The following UBE2R2 variants were observed in gnomAD, a reference collection of about 807,000 sequenced individuals.
UBE2R2 encodes ubiquitin-conjugating enzyme E2 R2.
Under a neutral mutation model 27.8 loss-of-function variants are expected in UBE2R2, and 1 was observed. The ratio of observed to expected loss-of-function variants is 0.04; its 90% CI spans 0.01 to 0.17. UBE2R2 has a LOEUF of 0.17. Among genes scored for constraint, UBE2R2 ranks in the 10% least tolerant of loss-of-function variants. The pLI, the probability that UBE2R2 is intolerant of heterozygous loss-of-function variation, is 1.00. For missense variants in UBE2R2, 100 were observed against 291.0 expected (o/e 0.34, Z 4.78); for synonymous variants, 106 against 113.3 (o/e 0.94, Z 0.41).
In UBE2R2 at chr9:33,920,254, G is replaced by C. The variant is rs1274029553; in HGVS notation, c.*3017G>C. ...TTTAATAGTTTTAGCTGAAATTGTAGATGTTTTGCTTCAGTTTAACTTATG... is the reference window on the plus strand; with the variant it reads ...TTTAATAGTTTTAGCTGAAATTGTACATGTTTTGCTTCAGTTTAACTTATG... On this transcript the variant is annotated 3_prime_UTR_variant, in exon 5 of 5. Transcript: ENST00000263228. 3 of 152,546 alleles carry C rather than the reference G, an allele frequency of 2.0e-5. No homozygotes were observed. Among genetic ancestry groups the C allele is most frequent in the Non-Finnish European group, 2.9e-5 (2 of 68,036 alleles). 9.4% of individuals were successfully genotyped at this position (152,546 alleles called of 1,614,324 possible).
chr9:33,844,799 C>T (rs1820806065), intron 1 of UBE2R2, among the ~76,000 whole-genome samples: 1 of 151,644 alleles, frequency 6.6e-6, no homozygotes, highest in Admixed American at 6.6e-5. Context: ...GACAGTCTTG[C>T]TCTGTGGCCC....
intron 1 of UBE2R2, among the ~76,000 whole-genome samples, chr9:33,861,298 T>C (rs910942494): frequency 6.7e-6 from 1 of 148,974 alleles, no homozygotes; most frequent in Non-Finnish European, 1.5e-5. Flanking sequence ...CCGGGGTTGG[T>C]GGCTCATGCC....
chr9:33,907,827 TTTG>T (rs998915170), intron 3 of UBE2R2, among the ~76,000 whole-genome samples: 15 of 142,106 alleles, frequency 1.1e-4, no homozygotes, highest in Admixed American at 1.4e-4. Flanking sequence ...TTTGTTTTGT[TTTG>T]TTGTTGTTTT....
chr9:33,883,736 T>G (rs866845642), intron 1 of UBE2R2, among the ~76,000 whole-genome samples: 28 of 136,630 alleles, frequency 2.0e-4, no homozygotes, highest in African/African-American at 5.5e-4. Context: ...AAAAAAGAAA[T>G]AAAAAAGAAT....
intron 3 of UBE2R2, among the ~76,000 whole-genome samples, chr9:33,902,413 A>C (rs1225775768): frequency 6.6e-6 from 1 of 152,196 alleles, no homozygotes; most frequent in Non-Finnish European, 1.5e-5. Flanking sequence ...AATTTAAGTG[A>C]ATAATGCATG....
intron 1 of UBE2R2, among the ~76,000 whole-genome samples, chr9:33,860,626 A>G (rs1821208615): frequency 6.6e-6 from 1 of 152,140 alleles, no homozygotes; most frequent in African/African-American, 2.4e-5. Flanking sequence ...AAGGCCTGGC[A>G]TGTTGGTTCA....
chr9:33,815,497 C>A (rs566540532), upstream of UBE2R2, among the ~76,000 whole-genome samples: 3 of 152,350 alleles, frequency 2.0e-5, no homozygotes, highest in South Asian at 2.1e-4. Flanking sequence ...GTAATCCCAG[C>A]ACTTTGGGAG....
intron 1 of UBE2R2, among the ~76,000 whole-genome samples, chr9:33,838,453 T>C (rs1820662484): frequency 6.6e-6 from 1 of 152,116 alleles, no homozygotes; most frequent in Non-Finnish European, 1.5e-5. Flanking sequence ...AGTTGTATTT[T>C]AAGTGTTTCA....
intron 1 of UBE2R2, among the ~76,000 whole-genome samples, chr9:33,873,880 C>T (rs1386595355): frequency 6.6e-6 from 1 of 151,406 alleles, no homozygotes; most frequent in Non-Finnish European, 1.5e-5. Flanking sequence ...TGGGCTCAAG[C>T]GATCCGCCTG....
chr9:33,914,425 C>G (rs1338570428), intron 4 of UBE2R2, among the ~76,000 whole-genome samples: 1 of 152,084 alleles, frequency 6.6e-6, no homozygotes, highest in Non-Finnish European at 1.5e-5. Context: ...AGAGAGGCAC[C>G]AGGGTCTTCA....
intron 2 of UBE2R2, among the ~76,000 whole-genome samples, chr9:33,898,428 A>G (rs1269785074): frequency 6.6e-6 from 1 of 151,954 alleles, no homozygotes; most frequent in African/African-American, 2.4e-5. Context: ...TATGGTATCT[A>G]ACCATAAGGC....
intron 1 of UBE2R2, among the ~76,000 whole-genome samples, chr9:33,856,906 T>G (rs1821118257): frequency 7.0e-6 from 1 of 142,546 alleles, no homozygotes; most frequent in African/African-American, 2.6e-5. Context: ...TTTTTTTTTT[T>G]TTTTTTTTGA....
Position 33,917,398 on chromosome 9 carries a change from T to A in UBE2R2, c.*161T>A, listed in dbSNP as rs544936741. 716 of 1,051,590 alleles carry A rather than the reference T, an allele frequency of 6.8e-4. No individual in the cohort carries two copies. Among genetic ancestry groups the A allele is most frequent in the Non-Finnish European group, 9.2e-4 (682 of 739,838 alleles). The allele number at this position is 1,051,590 out of a possible 1,614,324, so 65.1% of individuals were successfully genotyped here. A position where few individuals can be genotyped will look rare whatever the true frequency, so the allele number is the denominator to read the frequency against. Reference sequence around the variant, plus strand: ...CCCCTTATGGATCTCAGTTTGCTCCTTTTTATGGACCTTTAATGGAGAGAG... The same window carrying A: ...CCCCTTATGGATCTCAGTTTGCTCCATTTTATGGACCTTTAATGGAGAGAG... On this transcript the variant is annotated 3_prime_UTR_variant, in exon 5 of 5. Transcript: ENST00000263228.
chr9:33,818,097 T>A (rs1353303274), intron 1 of UBE2R2, among the ~76,000 whole-genome samples, 163 bp downstream of exon 1: 1 of 148,698 alleles, frequency 6.7e-6, no homozygotes, highest in Non-Finnish European at 1.5e-5. Context: ...AAGGCCTTGC[T>A]CGCCGAGTGC....
chr9:33,883,713 CAAAAAAA>C (rs1158414910), intron 1 of UBE2R2, among the ~76,000 whole-genome samples: 9 of 75,198 alleles, frequency 1.2e-4, no homozygotes, highest in South Asian at 5.1e-4. Context: ...GACTCTGTCT[CAAAAAAA>C]AAAAAAAAAA....
At chr9:33,876,197 A>G (rs1038269200) in intron 1 of UBE2R2, among the ~76,000 whole-genome samples, 12 of 152,150 alleles carry the variant, frequency 7.9e-5, no homozygotes, top group African/African-American at 2.4e-4. Flanking sequence ...CCCTGTCTCT[A>G]CTAAAAATAC....
At chr9:33,849,889 C>T (rs1587443389) in intron 1 of UBE2R2, among the ~76,000 whole-genome samples, 1 of 152,130 alleles carries the variant, frequency 6.6e-6, no homozygotes, top group South Asian at 2.1e-4. Flanking sequence ...CCCAATGAGA[C>T]AAGTACCACT....
At chr9:33,837,612 G>T (rs1293411181) in intron 1 of UBE2R2, among the ~76,000 whole-genome samples, 1 of 152,038 alleles carries the variant, frequency 6.6e-6, no homozygotes, top group East Asian at 1.9e-4. Context: ...TTTTAGTAGA[G>T]ATGGGTTTTG....
chr9:33,872,020 G>A (rs1343889176), intron 1 of UBE2R2, among the ~76,000 whole-genome samples: 1 of 151,924 alleles, frequency 6.6e-6, no homozygotes, highest in Non-Finnish European at 1.5e-5. Context: ...CCTATTTCCT[G>A]TATTTCTTGA....
Sources: gnomAD v4.1 joint callset for allele counts (sites outside exome capture counted in the v4.1 genomes callset) on GRCh38, gnomAD v4.1.1 for gene constraint, MANE v1.5 for transcripts, NCBI Gene and HGNC (gene_info 2026-07-23, HGNC 2026-07-21) for gene names.